The following PTPRD variants were observed in gnomAD, a reference collection of about 807,000 sequenced individuals.
The protein encoded by PTPRD is receptor-type tyrosine-protein phosphatase delta.
A neutral mutation model predicts 214.5 loss-of-function variants in PTPRD; 34 were observed. That is an observed-to-expected ratio of 0.16 (90% CI 0.12 to 0.21). The LOEUF (loss-of-function observed/expected upper bound fraction) is 0.21, where lower values mean the gene tolerates loss of function less well. Ranked by LOEUF, PTPRD falls within the 10% of genes least tolerant of loss-of-function variation. The pLI is 1.00. For synonymous variants in PTPRD, 1,128 were observed against 845.7 expected, an observed-to-expected ratio of 1.33 and a Z score of -5.79; for missense variants, 2,545 against 2,398.7, an observed-to-expected ratio of 1.06 and a Z score of -1.27.
chr9:9,196,247 G>A (rs1392910349), intron 9 of PTPRD, among the ~76,000 whole-genome samples: 1 of 152,056 alleles, frequency 6.6e-6, no homozygotes, highest in Non-Finnish European at 1.5e-5. Context: ...CTACTTCCTG[G>A]AACACAGAGT....
intron 3 of PTPRD, among the ~76,000 whole-genome samples, chr9:10,222,580 C>T (rs73641888): frequency 0.016 from 2,473 of 152,130 alleles, 66 homozygotes; most frequent in African/African-American, 0.055. Context: ...CTCACTATTA[C>T]GTATCATCCT....
At chr9:10,557,275 C>T (rs1475674482) in intron 2 of PTPRD, among the ~76,000 whole-genome samples, 1 of 151,846 alleles carries the variant, frequency 6.6e-6, no homozygotes, top group African/African-American at 2.4e-5. Flanking sequence ...AAAAGGATGC[C>T]CCATCCTATG....
intron 2 of PTPRD, among the ~76,000 whole-genome samples, chr9:10,446,314 T>C (rs566320649): frequency 9.9e-5 from 15 of 151,868 alleles, no homozygotes; most frequent in East Asian, 3.9e-4. Flanking sequence ...GGTCTGAAAC[T>C]GTAGCTCCAT....
At chr9:9,493,787 C>CAAAAAAA (rs750252052) in intron 8 of PTPRD, among the ~76,000 whole-genome samples, 11 of 54,444 alleles carry the variant, frequency 2.0e-4, no homozygotes, top group Middle Eastern at 0.013. Context: ...GACTCCGTCT[C>CAAAAAAA]AAAAAAAAAA....
intron 9 of PTPRD, among the ~76,000 whole-genome samples, chr9:9,365,821 A>G (rs1289061864): frequency 6.6e-6 from 1 of 151,448 alleles, no homozygotes; most frequent in Non-Finnish European, 1.5e-5. Flanking sequence ...CTCCAAATCT[A>G]TAACCCTTAG....
chr9:9,941,222 T>A (rs919515266), intron 4 of PTPRD, among the ~76,000 whole-genome samples: 1 of 152,164 alleles, frequency 6.6e-6, no homozygotes, highest in Admixed American at 6.5e-5. Flanking sequence ...GCTTCCTATA[T>A]GACTATGAGG....
At chr9:10,307,550 G>A (rs2096121450) in intron 3 of PTPRD, among the ~76,000 whole-genome samples, 1 of 151,862 alleles carries the variant, frequency 6.6e-6, no homozygotes, top group African/African-American at 2.4e-5. Flanking sequence ...TTTAATATAT[G>A]GCTTTCTTTT....
Position 9,677,645 on chromosome 9 carries a change from T to G in PTPRD, c.-287+56888A>C, listed in dbSNP as rs111511829. Among the ~76,000 whole-genome samples, 794 of 152,112 alleles carry G rather than the reference T, an allele frequency of 5.2e-3. 6 individuals carry two copies. The highest frequency in any genetic ancestry group is 0.018 in the African/African-American group (751 of 41,512). ...TGGACAAAAACTGGAAGCATTCCCTTTGAAAACTGGCACAAGACAGGGATG... is the reference window on the plus strand; with the variant it reads ...TGGACAAAAACTGGAAGCATTCCCTGTGAAAACTGGCACAAGACAGGGATG... On this transcript the variant is annotated intron_variant, in intron 7 of 45. Transcript: ENST00000381196.
In PTPRD at chr9:10,060,882, TTCC is replaced by T. The variant is rs1156367428; in HGVS notation, c.-544-27095_-544-27093del. Among the ~76,000 whole-genome samples, 94 of 79,644 alleles carry T rather than the reference TTCC, an allele frequency of 1.2e-3. 8 individuals carry two copies. The African/African-American group carries it at 0.013, about 11-fold the overall frequency. 52.2% of individuals were successfully genotyped at this position (79,644 alleles called of 152,430 possible). ...CTTCCTTCCTTCTTTCCTTCCTTCC[TTCC>T]TTCCTTCCTTCCTTCTTTCTTTCTT... is the stretch of plus-strand genomic sequence containing the variant. On this transcript the variant is annotated intron_variant, in intron 3 of 45. Transcript: ENST00000381196.
At chr9:10,560,309 CA>C (rs1458890029) in intron 2 of PTPRD, among the ~76,000 whole-genome samples, 4 of 148,340 alleles carry the variant, frequency 2.7e-5, no homozygotes, top group African/African-American at 1.0e-4. Flanking sequence ...ATTGCAAGAA[CA>C]AAAAAACAAA....
intron 11 of PTPRD, among the ~76,000 whole-genome samples, chr9:8,979,604 G>A (rs755296575): frequency 9.9e-5 from 15 of 152,094 alleles, no homozygotes; most frequent in Admixed American, 1.3e-4. Flanking sequence ...CTCCAAAGGA[G>A]ACATAAAACT....
At chr9:9,572,561 GTATATA>G (rs113092220) in intron 8 of PTPRD, among the ~76,000 whole-genome samples, 41,533 of 140,670 alleles carry the variant, frequency 0.3, 6,142 homozygotes, top group Non-Finnish European at 0.33. Context: ...ATATATATAT[GTATATA>G]TATATATATA....
At chr9:8,697,716 C>G (rs1292447823) in intron 12 of PTPRD, among the ~76,000 whole-genome samples, 1 of 151,954 alleles carries the variant, frequency 6.6e-6, no homozygotes, top group Non-Finnish European at 1.5e-5. Flanking sequence ...AGCCACCACG[C>G]CCAGGCCTGG....
chr9:8,778,070 C>G (rs1034437537), intron 11 of PTPRD, among the ~76,000 whole-genome samples: 2 of 152,186 alleles, frequency 1.3e-5, no homozygotes, highest in East Asian at 3.9e-4. Flanking sequence ...AGATTAGAAA[C>G]TACTGTTGCT....
chr9:10,556,274 ATGTAAAAT>A lies in PTPRD; in HGVS notation c.-600+56116_-600+56123del, dbSNP rs2062570189. On this transcript the variant is annotated intron_variant, in intron 2 of 45. Transcript: ENST00000381196. Reference sequence around the variant, plus strand: ...TAGCTATACAAAATGTTAGGTAGAAATGTAAAATAATTCGAAATTTTACAATGTATGTG... The same window carrying A: ...TAGCTATACAAAATGTTAGGTAGAAAAATTCGAAATTTTACAATGTATGTG... Among the ~76,000 whole-genome samples, 5 of 152,052 alleles carry A rather than the reference ATGTAAAAT, an allele frequency of 3.3e-5. No homozygotes were observed. The Admixed American group carries it at 3.3e-4, about 10-fold the overall frequency.
intron 2 of PTPRD, among the ~76,000 whole-genome samples, chr9:10,399,319 T>A (rs887417411): frequency 6.6e-6 from 1 of 151,968 alleles, no homozygotes; most frequent in African/African-American, 2.4e-5. Flanking sequence ...AACACTTACA[T>A]ATCAATGCTT....
intron 39 of PTPRD, among the ~76,000 whole-genome samples, chr9:8,373,872 A>T (rs199713633): frequency 4.5e-5 from 1 of 22,252 alleles, no homozygotes. Flanking sequence ...CTGTCTATCT[A>T]TCTATCTATC....
At chr9:9,120,866 G>A (rs552805689) in intron 10 of PTPRD, among the ~76,000 whole-genome samples, 3 of 152,242 alleles carry the variant, frequency 2.0e-5, no homozygotes, top group Admixed American at 6.5e-5. Flanking sequence ...TGGTATCACT[G>A]TTAGAAACTC....
At chr9:9,904,232 T>C (rs551603715) in intron 5 of PTPRD, among the ~76,000 whole-genome samples, 31 of 152,210 alleles carry the variant, frequency 2.0e-4, no homozygotes, top group African/African-American at 7.0e-4. Flanking sequence ...AGCCAAACGT[T>C]TGATGAACTA....
Sources: gnomAD v4.1 joint callset for allele counts (sites outside exome capture counted in the v4.1 genomes callset) on GRCh38, gnomAD v4.1.1 for gene constraint, MANE v1.5 for transcripts, NCBI Gene and HGNC (gene_info 2026-07-23, HGNC 2026-07-21) for gene names.